Variants in MYO1D observed in about 807,000 individuals in gnomAD.
MYO1D encodes myosin ID, also known as unconventional myosin-Id.
In MYO1D, 83 loss-of-function variants were observed where a neutral mutation model predicts 122.0. The observed-to-expected ratio is 0.68, with a 90% CI of 0.57 to 0.82. The LOEUF is 0.82. MYO1D is among the 40% of genes least tolerant of loss of function. The pLI is 0.00. For missense variants in MYO1D, 1,157 were observed against 1,269.5 expected (o/e 0.91, Z 1.35); for synonymous variants, 464 against 446.9 (o/e 1.04, Z -0.48).
intron 1 of MYO1D, among the ~76,000 whole-genome samples, chr17:32,835,156 CT>C (rs1285814628): frequency 1.3e-5 from 2 of 151,238 alleles, no homozygotes; most frequent in African/African-American, 4.9e-5. Context: ...GTTTTGCTTT[CT>C]TTTGGGGTTT....
At position 32,637,373 on chromosome 17, in the gene MYO1D, A is replaced by G. The variant is rs543171755; in HGVS notation, c.2709+1349T>C. 1.8e-3 allele frequency among the ~76,000 whole-genome samples: 269 copies of G among 152,344 alleles called. 1 individual carries two copies. The highest frequency in any genetic ancestry group is 1.5e-3 in the Non-Finnish European group (104 of 68,032). On this transcript the variant is annotated intron_variant, in intron 20 of 21. Coordinates refer to ENST00000318217, the MANE Select transcript of MYO1D (RefSeq NM_015194.3). ...TCTATATATAAGAAGACTATATATA[A>G]TCAAGAGTGTTTTAGGGCTGGGTGT...
intron 16 of MYO1D, among the ~76,000 whole-genome samples, chr17:32,662,258 T>C (rs1049040733): frequency 6.6e-6 from 1 of 152,198 alleles, no homozygotes; most frequent in East Asian, 1.9e-4. Context: ...TTCTCTTAAG[T>C]TTCCTTGAAA....
chr17:32,733,405 T>C (rs1042821307), intron 14 of MYO1D, among the ~76,000 whole-genome samples: 11 of 152,332 alleles, frequency 7.2e-5, no homozygotes, highest in Admixed American at 5.9e-4. Flanking sequence ...GCTACCCAGA[T>C]AGTATGAGTT....
Position 32,494,730 on chromosome 17 carries a change from C to G in MYO1D, c.*29G>C, listed in dbSNP as rs371439625. 6.4e-7 allele frequency: 1 copy of G among 1,558,470 alleles called. No homozygotes were observed. The highest frequency in any genetic ancestry group is 2.4e-5 in the East Asian group (1 of 42,046). ...TGGGACCCAGGACTCGGAGTGTGGC[C>G]GGGCTCCGGGCCAGGCCTCCGCGGG... On this transcript the variant is annotated 3_prime_UTR_variant, in exon 22 of 22. Transcript: ENST00000318217.
rs1159449544 is a variant in MYO1D at position 32,721,117 on chromosome 17, G to A, written c.1819C>T (p.Arg607Trp). 1.1e-5 allele frequency: 18 copies of A among 1,613,940 alleles called. No individual in the cohort carries two copies. The highest frequency in any genetic ancestry group is 1.6e-4 in the Middle Eastern group (1 of 6,084). ...AGTCCAAGATATTCTACTTGGTGCCGGCAGCGTTCATCATCAAATATCTGT... is the reference window on the plus strand; with the variant it reads ...AGTCCAAGATATTCTACTTGGTGCCAGCAGCGTTCATCATCAAATATCTGT... ...SPQIFDDERC[R>W]HQVEYLGLLE... Residue 607 changes from arginine (R) to tryptophan (W), a missense_variant, in exon 15 of 22, where the codon CGG becomes TGG. Coordinates refer to ENST00000318217, the MANE Select transcript of MYO1D (RefSeq NM_015194.3).
At chr17:32,729,798 T>C (rs1430409902) in intron 14 of MYO1D, among the ~76,000 whole-genome samples, 1 of 152,150 alleles carries the variant, frequency 6.6e-6, no homozygotes, top group Non-Finnish European at 1.5e-5. Flanking sequence ...GAATCCTGAA[T>C]AGCTAAACCA....
chr17:32,567,772 A>G (rs225208), intron 21 of MYO1D, among the ~76,000 whole-genome samples: 29,033 of 152,150 alleles, frequency 0.19, 3,054 homozygotes, highest in East Asian at 0.26. Context: ...AAGGACACCT[A>G]CAGGAAGCAT....
chr17:32,525,005 C>T (rs958837912), intron 21 of MYO1D, among the ~76,000 whole-genome samples: 3 of 152,224 alleles, frequency 2.0e-5, no homozygotes, highest in Admixed American at 1.3e-4. Flanking sequence ...ACCTAGCCTA[C>T]ATCTCGTTAC....
chr17:32,501,808 G>A (rs1909328507), intron 21 of MYO1D, among the ~76,000 whole-genome samples: 1 of 152,216 alleles, frequency 6.6e-6, no homozygotes, highest in Non-Finnish European at 1.5e-5. Context: ...ATGTAAGGAA[G>A]TGTTTCCCTG....
chr17:32,693,101 C>A (rs1334009535), intron 16 of MYO1D, among the ~76,000 whole-genome samples: 1 of 152,138 alleles, frequency 6.6e-6, no homozygotes, highest in African/African-American at 2.4e-5. Flanking sequence ...GTTGGGATAG[C>A]AATTCTCATT....
intron 16 of MYO1D, among the ~76,000 whole-genome samples, chr17:32,678,527 C>T (rs573418423): frequency 1.5e-4 from 23 of 150,278 alleles, no homozygotes; most frequent in East Asian, 9.8e-4. Flanking sequence ...TTTGTTCTTG[C>T]GATAGTTTAC....
At chr17:32,520,903 T>A (rs1403430961) in intron 21 of MYO1D, among the ~76,000 whole-genome samples, 1 of 152,250 alleles carries the variant, frequency 6.6e-6, no homozygotes, top group Non-Finnish European at 1.5e-5. Flanking sequence ...AAAGTTCATC[T>A]TCTTTGCAGG....
At chr17:32,795,871 TC>T (rs1371685729) in intron 1 of MYO1D, among the ~76,000 whole-genome samples, 1 of 148,604 alleles carries the variant, frequency 6.7e-6, no homozygotes, top group African/African-American at 2.5e-5. Context: ...CTTTGCCCCG[TC>T]CTCACTTGGT....
chr17:32,735,862 G>A lies in MYO1D; in HGVS notation c.1746+2391C>T, dbSNP rs202081256. Among the ~76,000 whole-genome samples the A allele has an allele frequency of 8.6e-5, 13 of 151,958 alleles. No individual in the cohort carries two copies. In the East Asian group the frequency reaches 2.1e-3, roughly 25 times the overall value. On this transcript the variant is annotated intron_variant, in intron 14 of 21. Coordinates refer to ENST00000318217, the MANE Select transcript of MYO1D (RefSeq NM_015194.3). The stretch of plus-strand genomic sequence containing the variant: ...TTTCACATGAATGTTGCTTTTAACC[G>A]TTTTTGGTGAGAGGTGGCTTGATAT...
At chr17:32,619,810 C>T (rs1404378094) in intron 20 of MYO1D, among the ~76,000 whole-genome samples, 1 of 151,928 alleles carries the variant, frequency 6.6e-6, no homozygotes, top group Non-Finnish European at 1.5e-5. Context: ...ATTTTTTTGA[C>T]CCTCTCAGTG....
At position 32,738,336 on chromosome 17, in the gene MYO1D, T is replaced by A. The variant is rs758322684; in HGVS notation, c.1663A>T (p.Thr555Ser). 1 of 1,607,584 alleles carries A rather than the reference T, an allele frequency of 6.2e-7. No homozygotes were observed. The highest frequency in any genetic ancestry group is 1.1e-5 in the South Asian group (1 of 89,022). ...GTCAGAGGTCGCTTGGTCACCTCTG[T>A]AATGCTCAGTTTGCCTTCAGGCCAC... ...NMWPEGKLSI[T>S]EVTKRPLTAA... is the part of the protein sequence containing the mutation. Residue 555 changes from threonine to serine, a missense_variant, in exon 14 of 22, where the codon ACA becomes TCA. Physicochemically the swap from Thr to Ser is moderately conservative, Grantham distance 58. Transcript: ENST00000318217.
intron 16 of MYO1D, among the ~76,000 whole-genome samples, chr17:32,668,023 A>G (rs2088660026): frequency 1.3e-5 from 2 of 152,230 alleles, no homozygotes; most frequent in East Asian, 1.9e-4. Flanking sequence ...ACTCCAGATA[A>G]TAGGTTAAGT....
intron 21 of MYO1D, among the ~76,000 whole-genome samples, chr17:32,559,800 ATCAT>A (rs1336833681): frequency 1.3e-5 from 2 of 152,168 alleles, no homozygotes; most frequent in Non-Finnish European, 2.9e-5. Flanking sequence ...ATTGATATCT[ATCAT>A]TAATTTTTTG....
intron 20 of MYO1D, among the ~76,000 whole-genome samples, chr17:32,632,142 A>G (rs2088016048): frequency 6.6e-6 from 1 of 152,166 alleles, no homozygotes; most frequent in Non-Finnish European, 1.5e-5. Context: ...CTGCTCCATA[A>G]AGTCTAGAAT....
Sources: allele counts gnomAD v4.1 joint callset (sites outside exome capture counted in the v4.1 genomes callset), GRCh38; gene constraint gnomAD v4.1.1; transcripts MANE v1.5; gene names NCBI Gene and HGNC (gene_info 2026-07-23, HGNC 2026-07-21).